Variants in MGAT4C observed in about 807,000 individuals in gnomAD.
The protein encoded by MGAT4C is alpha-1,3-mannosyl-glycoprotein 4-beta-N-acetylglucosaminyltransferase C.
Under a neutral mutation model 40.1 loss-of-function variants are expected in MGAT4C, and 19 were observed. The observed-to-expected ratio is 0.47, with a 90% CI of 0.33 to 0.70. MGAT4C has a LOEUF of 0.70. MGAT4C is among the 30% of genes least tolerant of loss of function. The pLI is 0.02. For missense variants in MGAT4C, 491 were observed against 563.2 expected (o/e 0.87, Z 1.30); for synonymous variants, 181 against 187.1 (o/e 0.97, Z 0.27).
At chr12:86,813,919 G>C (rs1296800279) in intron 1 of MGAT4C, among the ~76,000 whole-genome samples, 1 of 150,370 alleles carries the variant, frequency 6.7e-6, no homozygotes, top group Admixed American at 6.6e-5. Flanking sequence ...CTTTTTTTTG[G>C]GGGGGATGGG....
At chr12:86,582,361 G>T (rs1305926915) in intron 2 of MGAT4C, among the ~76,000 whole-genome samples, 1 of 151,266 alleles carries the variant, frequency 6.6e-6, no homozygotes, top group Non-Finnish European at 1.5e-5. Flanking sequence ...CTTAGGTGAA[G>T]CTGAGTCAAT....
intron 3 of MGAT4C, among the ~76,000 whole-genome samples, chr12:86,414,019 CAAG>C (rs1352401893): frequency 2.6e-5 from 4 of 151,442 alleles, no homozygotes; most frequent in Admixed American, 6.6e-5. Context: ...CTGCCTAGAA[CAAG>C]AAGCATTTCA....
intron 3 of MGAT4C, among the ~76,000 whole-genome samples, chr12:86,349,261 T>C (rs879687148): frequency 6.6e-6 from 1 of 152,150 alleles, no homozygotes; most frequent in Non-Finnish European, 1.5e-5. Context: ...AGCTACTTCC[T>C]ACCCTTTTGT....
Position 86,416,815 on chromosome 12 carries a change from A to G in MGAT4C, c.-120+18342T>C, listed in dbSNP as rs112591940. The stretch of plus-strand genomic sequence containing the variant: ...TGACATCTTAACCTTTGGTATCTAC[A>G]GCTGTAACTTCATTTGGCATTAGGG... On this transcript the variant is annotated intron_variant, in intron 3 of 7. Transcript: ENST00000548651. Among the ~76,000 whole-genome samples the G allele has an allele frequency of 5.8e-3, 879 of 152,266 alleles. 7 individuals carry two copies. The highest frequency in any genetic ancestry group is 0.02 in the African/African-American group (844 of 41,572).
intron 3 of MGAT4C, among the ~76,000 whole-genome samples, chr12:86,386,765 G>A (rs923355100): frequency 2.0e-5 from 3 of 152,126 alleles, no homozygotes; most frequent in Admixed American, 2.0e-4. Context: ...GATCTCAGTG[G>A]ACTTTAGTGG....
At chr12:86,549,813 A>G (rs1959257301) in intron 2 of MGAT4C, among the ~76,000 whole-genome samples, 1 of 152,188 alleles carries the variant, frequency 6.6e-6, no homozygotes, top group Non-Finnish European at 1.5e-5. Flanking sequence ...GAAGCATAGG[A>G]GGACATATGG....
intron 2 of MGAT4C, among the ~76,000 whole-genome samples, chr12:86,505,216 A>G (rs911182404): frequency 5.9e-5 from 9 of 152,256 alleles, no homozygotes; most frequent in Admixed American, 5.2e-4. Flanking sequence ...TGAAAAAAAA[A>G]ATCCTGGCTA....
At chr12:86,830,361 C>G (rs982552715) in intron 1 of MGAT4C, among the ~76,000 whole-genome samples, 15 of 151,658 alleles carry the variant, frequency 9.9e-5, no homozygotes, top group African/African-American at 3.6e-4. Context: ...TGTTTATCAG[C>G]CTGTCTCTGT....
intron 2 of MGAT4C, among the ~76,000 whole-genome samples, chr12:86,446,312 C>T (rs968797833): frequency 2.0e-5 from 3 of 151,850 alleles, no homozygotes; most frequent in African/African-American, 7.3e-5. Flanking sequence ...AATAATTACT[C>T]ATCCCAGGAA....
chr12:86,286,614 G>A (rs1953357842), intron 4 of MGAT4C, among the ~76,000 whole-genome samples: 1 of 152,054 alleles, frequency 6.6e-6, no homozygotes, highest in African/African-American at 2.4e-5. Flanking sequence ...AGGTGCAGGG[G>A]AACATGTGCA....
chr12:86,726,596 C>A lies in MGAT4C; in HGVS notation c.-229+613G>T, dbSNP rs76551839. 1.5e-3 allele frequency among the ~76,000 whole-genome samples: 225 copies of A among 152,218 alleles called. 8 individuals are homozygous for A. In the East Asian group the frequency reaches 0.041, roughly 27 times the overall value. Reference sequence around the variant, plus strand: ...TAGTAACACAACCTTGGTTAGAGTACAACTGTAGTGAATTATTAATTGGAT... The same window carrying A: ...TAGTAACACAACCTTGGTTAGAGTAAAACTGTAGTGAATTATTAATTGGAT... On this transcript the variant is annotated intron_variant, in intron 2 of 7. Coordinates refer to the MGAT4C transcript ENST00000548651.
chr12:86,593,842 G>C (rs1299005479), intron 2 of MGAT4C, among the ~76,000 whole-genome samples: 1 of 152,012 alleles, frequency 6.6e-6, no homozygotes, highest in Non-Finnish European at 1.5e-5. Flanking sequence ...GGGATTTAGA[G>C]TCTCTGTTCT....
chr12:86,162,643 T>G (rs1047184813), intron 1 of MGAT4C, among the ~76,000 whole-genome samples: 1 of 152,110 alleles, frequency 6.6e-6, no homozygotes, highest in Non-Finnish European at 1.5e-5. Flanking sequence ...AAATGAAGGT[T>G]GAAGTAAAAA....
chr12:86,270,692 A>G (rs1045277067), intron 4 of MGAT4C, among the ~76,000 whole-genome samples: 2 of 152,330 alleles, frequency 1.3e-5, no homozygotes, highest in Non-Finnish European at 2.9e-5. Flanking sequence ...ATGTAACCGA[A>G]AAAGAAAAGT....
At chr12:86,259,967 T>C (rs1435135378), upstream of MGAT4C, among the ~76,000 whole-genome samples, 1 of 26,038 alleles carries the variant, frequency 3.8e-5, no homozygotes, top group Non-Finnish European at 7.3e-5. Context: ...AAAAAATTTG[T>C]TGAATGTGGT....
At chr12:86,205,267 T>C (rs1046775167) in intron 1 of MGAT4C, among the ~76,000 whole-genome samples, 5 of 151,700 alleles carry the variant, frequency 3.3e-5, no homozygotes, top group Admixed American at 1.3e-4. Context: ...TAACCAATAT[T>C]CATATTCATA....
chr12:86,547,878 A>G (rs1382406578), intron 2 of MGAT4C, among the ~76,000 whole-genome samples: 1 of 152,134 alleles, frequency 6.6e-6, no homozygotes, highest in Non-Finnish European at 1.5e-5. Context: ...TTTACAGGGT[A>G]GGCATGTTTT....
chr12:86,608,054 T>G (rs1048664688), intron 2 of MGAT4C, among the ~76,000 whole-genome samples: 1 of 152,148 alleles, frequency 6.6e-6, no homozygotes, highest in Non-Finnish European at 1.5e-5. Context: ...TAATAAATAT[T>G]AATTTGAGGT....
chr12:85,988,411 A>T (rs1259399952), intron 3 of MGAT4C, among the ~76,000 whole-genome samples: 1 of 150,902 alleles, frequency 6.6e-6, no homozygotes, highest in Admixed American at 6.6e-5. Context: ...AATCTAAAGC[A>T]TTTTTTTTTG....
Sources: allele counts gnomAD v4.1 joint callset (sites outside exome capture counted in the v4.1 genomes callset), GRCh38; gene constraint gnomAD v4.1.1; transcripts MANE v1.5; gene names NCBI Gene and HGNC (gene_info 2026-07-23, HGNC 2026-07-21).